The following TMPRSS15 variants were observed in gnomAD, a reference collection of about 807,000 sequenced individuals.
TMPRSS15 encodes the protein enteropeptidase.
TMPRSS15 carries 128 observed loss-of-function variants against 125.3 expected under a neutral mutation model. The ratio of observed to expected loss-of-function variants is 1.02; its 90% CI spans 0.89 to 1.18. The LOEUF (loss-of-function observed/expected upper bound fraction) is 1.18, where lower values mean the gene tolerates loss of function less well. Among genes scored for constraint, TMPRSS15 ranks in the 50% most tolerant of loss-of-function variants. The probability of loss-of-function intolerance (pLI) is 0.00; values close to 1 mark genes in which losing one functional copy is unlikely to be tolerated. For missense variants in TMPRSS15, 1,283 were observed against 1,212.7 expected (o/e 1.06, Z -0.86); for synonymous variants, 446 against 423.2 (o/e 1.05, Z -0.66).
intron 14 of TMPRSS15, 83 bp downstream of exon 14, chr21:18,332,001 A>G: frequency 2.4e-6 from 3 of 1,241,918 alleles, no homozygotes; most frequent in South Asian, 1.2e-5. Context: ...TGACAAATTT[A>G]TAATCTACTT....
At chr21:18,359,938 A>G (rs952828501) in intron 7 of TMPRSS15, 75 bp from the exon 8 acceptor site, 8 of 741,046 alleles carry the variant, frequency 1.1e-5, no homozygotes, top group Non-Finnish European at 1.9e-5. Context: ...TAGAATTTGT[A>G]TGTGTTTTCT....
chr21:18,290,736 A>T (rs577429434), intron 21 of TMPRSS15, among the ~76,000 whole-genome samples: 1 of 152,312 alleles, frequency 6.6e-6, no homozygotes, highest in Non-Finnish European at 1.5e-5. Flanking sequence ...TTAAATTTCC[A>T]TGATTTGCTG....
chr21:18,441,207 C>T (rs1167010334), intron 1 of TMPRSS15, among the ~76,000 whole-genome samples: 1 of 152,094 alleles, frequency 6.6e-6, no homozygotes, highest in Non-Finnish European at 1.5e-5. Context: ...ACAGGAGAAT[C>T]GCTTGAACCT....
At chr21:18,466,513 C>CA (rs1299270911) in intron 1 of TMPRSS15, among the ~76,000 whole-genome samples, 1 of 151,740 alleles carries the variant, frequency 6.6e-6, no homozygotes, top group Admixed American at 6.6e-5. Flanking sequence ...GCAATCTATC[C>CA]ATCTAACAAA....
chr21:18,291,910 A>G (rs1198208722), intron 21 of TMPRSS15, among the ~76,000 whole-genome samples: 1 of 152,152 alleles, frequency 6.6e-6, no homozygotes. Context: ...TGTGTGAGAG[A>G]AGCAGGAGCC....
chr21:18,363,310 T>A (rs1205178441), intron 7 of TMPRSS15, among the ~76,000 whole-genome samples: 3 of 152,096 alleles, frequency 2.0e-5, no homozygotes, highest in African/African-American at 7.2e-5. Context: ...CTTAAAATAG[T>A]TTCAAAAATT....
At chr21:18,428,587 G>T (rs899883689) in intron 1 of TMPRSS15, among the ~76,000 whole-genome samples, 1 of 152,118 alleles carries the variant, frequency 6.6e-6, no homozygotes, top group Non-Finnish European at 1.5e-5. Context: ...GGCTGAAAGG[G>T]GCCAATGTAG....
At chr21:18,277,827 C>G (rs2074640038) in intron 23 of TMPRSS15, among the ~76,000 whole-genome samples, 1 of 152,106 alleles carries the variant, frequency 6.6e-6, no homozygotes, top group Non-Finnish European at 1.5e-5. Context: ...GACTACAGAG[C>G]CTTTTCTGGT....
At chr21:18,421,984 C>CTTTTTTT (rs569146471) in intron 1 of TMPRSS15, among the ~76,000 whole-genome samples, 1 of 135,160 alleles carries the variant, frequency 7.4e-6, no homozygotes, top group African/African-American at 2.8e-5. Context: ...AAGTATTACT[C>CTTTTTTT]TTTTTTTTTT....
intron 3 of TMPRSS15, among the ~76,000 whole-genome samples, chr21:18,385,871 G>A (rs1306609186): frequency 2.0e-5 from 3 of 152,168 alleles, no homozygotes; most frequent in South Asian, 4.2e-4. Context: ...AGCCTCCTGA[G>A]TAGCTGGGAC....
At chr21:18,396,792 A>ACTG (rs1408156983) in intron 3 of TMPRSS15, among the ~76,000 whole-genome samples, 1 of 112,792 alleles carries the variant, frequency 8.9e-6, no homozygotes, top group African/African-American at 3.4e-5. Flanking sequence ...AAAAAAAAAA[A>ACTG]TCTGTCTGTC....
At chr21:18,278,134 A>G (rs1383116152) in intron 23 of TMPRSS15, among the ~76,000 whole-genome samples, 1 of 152,178 alleles carries the variant, frequency 6.6e-6, no homozygotes, top group Non-Finnish European at 1.5e-5. Flanking sequence ...TTCCATTCTC[A>G]TTTTAAGAAA....
chr21:18,377,105 C>A (rs1322196875), intron 5 of TMPRSS15, among the ~76,000 whole-genome samples: 4 of 152,042 alleles, frequency 2.6e-5, no homozygotes, highest in African/African-American at 9.7e-5. Flanking sequence ...GAATAAACGG[C>A]AAGGATGACT....
At chr21:18,445,709 G>C (rs2076254277) in intron 1 of TMPRSS15, among the ~76,000 whole-genome samples, 1 of 152,146 alleles carries the variant, frequency 6.6e-6, no homozygotes, top group Non-Finnish European at 1.5e-5. Context: ...TAGAAAATAA[G>C]TGGGATCATT....
chr21:18,285,885 GT>G (rs2074757084), intron 21 of TMPRSS15, among the ~76,000 whole-genome samples: 1 of 152,304 alleles, frequency 6.6e-6, no homozygotes, highest in South Asian at 2.1e-4. Context: ...ACAAGAATAT[GT>G]TTAATTTTTC....
In TMPRSS15 at chr21:18,273,784, A is replaced by T. The variant is rs190068586; in HGVS notation, c.2904+1413T>A. Among the ~76,000 whole-genome samples the T allele has an allele frequency of 3.3e-5, 5 of 152,320 alleles. No homozygotes were observed. In the East Asian group the frequency reaches 9.6e-4, roughly 29 times the overall value. On this transcript the variant is annotated intron_variant, in intron 24 of 24. Coordinates refer to ENST00000284885, the MANE Select transcript of TMPRSS15 (RefSeq NM_002772.3). ...TAAAAAAGAAGTATAAGACCCGAAG[A>T]TAAATTTTAAACAAGAAAAAAGCCA...
At chr21:18,361,479 T>C (rs1010892332) in intron 7 of TMPRSS15, among the ~76,000 whole-genome samples, 7 of 152,200 alleles carry the variant, frequency 4.6e-5, no homozygotes, top group Middle Eastern at 6.8e-3. Flanking sequence ...CCCTGAGAAG[T>C]GGTCTGGCCT....
chr21:18,305,170 T>G (rs1037463684), intron 18 of TMPRSS15, among the ~76,000 whole-genome samples: 11 of 143,528 alleles, frequency 7.7e-5, no homozygotes, highest in Admixed American at 1.4e-4. Flanking sequence ...ATTCCAGGAT[T>G]TGAATTTCCG....
chr21:18,353,186 T>C (rs2075588394), intron 9 of TMPRSS15, 134 bp from the exon 10 acceptor site: 6 of 831,332 alleles, frequency 7.2e-6, no homozygotes, highest in South Asian at 3.6e-5. Context: ...TTATTTTTTA[T>C]TGATCTTAAC....
Sources: allele counts gnomAD v4.1 joint callset (sites outside exome capture counted in the v4.1 genomes callset), GRCh38; gene constraint gnomAD v4.1.1; transcripts MANE v1.5; gene names NCBI Gene and HGNC (gene_info 2026-07-23, HGNC 2026-07-21).